The following HTRA3 variants were observed in gnomAD, a reference collection of about 807,000 sequenced individuals.
The protein encoded by HTRA3 is serine protease HTRA3.
A neutral mutation model predicts 43.2 loss-of-function variants in HTRA3; 41 were observed. The ratio of observed to expected loss-of-function variants is 0.95; its 90% CI spans 0.74 to 1.23. The LOEUF (loss-of-function observed/expected upper bound fraction) is 1.23, where lower values mean the gene tolerates loss of function less well. Ranked by LOEUF, HTRA3 falls within the 50% of genes most tolerant of loss-of-function variation. The pLI is 0.00. For missense variants in HTRA3, 628 were observed against 647.1 expected (o/e 0.97, Z 0.32); for synonymous variants, 295 against 287.9 (o/e 1.02, Z -0.25).
Position 8,270,932 on chromosome 4 carries a change from C to T in HTRA3, c.385+579C>T, listed in dbSNP as rs116566808. On this transcript the variant is annotated intron_variant, in intron 1 of 8. Transcript: ENST00000307358. ...AGGCAGTCGGCTCTAGGTTGCATCT[C>T]ACCGTGCAGGTTGACTCTGTACGTG... 5.4e-3 allele frequency among the ~76,000 whole-genome samples: 826 copies of T among 152,304 alleles called. 13 individuals are homozygous for T. The highest frequency in any genetic ancestry group is 0.019 in the African/African-American group (777 of 41,554).
At position 8,302,571 on chromosome 4, in the gene HTRA3, C is replaced by T. The variant is rs376527577; in HGVS notation, c.1100+60C>T. 1.1e-4 allele frequency: 168 copies of T among 1,537,254 alleles called. 3 individuals are homozygous for T. The African/African-American group carries it at 1.6e-3, about 14-fold the overall frequency. On this transcript the variant is annotated intron_variant, in intron 7 of 8. Coordinates refer to ENST00000307358, the MANE Select transcript of HTRA3 (RefSeq NM_053044.5). ...CTTCCTCTCATCCCTCACCCTGACC[C>T]TCCCTCCAGACCCTGGCTGGCTGTG...
At chr4:8,282,317 C>A in intron 1 of HTRA3, 120 bp from the exon 2 acceptor site, 1 of 768,804 alleles carries the variant, frequency 1.3e-6, no homozygotes, top group Non-Finnish European at 2.2e-6. Context: ...CTGAGGCTGG[C>A]TCTGAACTGG....
chr4:8,306,278 G>A lies in HTRA3; in HGVS notation c.*142G>A, dbSNP rs1713847617. The A allele has an allele frequency of 3.2e-6, 3 of 928,382 alleles. No homozygotes were observed. Among genetic ancestry groups the A allele is most frequent in the Admixed American group, 3.3e-5 (1 of 30,374 alleles). The allele number at this position is 928,382 out of a possible 1,614,324, so 57.5% of individuals were successfully genotyped here. On this transcript the variant is annotated 3_prime_UTR_variant, in exon 9 of 9. Transcript: ENST00000307358. This position sits in a 1 kb window ranked among gnomAD's most constrained non-coding sequence, Gnocchi z 8.9. ...GGCTGTCCGGGGCAGAGCGGAGGCT[G>A]GGCTTGGCCAGGGGCCCGAATTTCC...
At chr4:8,290,534 C>A (rs143268902) in intron 3 of HTRA3, among the ~76,000 whole-genome samples, 1 of 152,238 alleles carries the variant, frequency 6.6e-6, no homozygotes, top group African/African-American at 2.4e-5. Context: ...CTTCCCTCAA[C>A]GGTGACATCT....
At chr4:8,288,948 CT>C (rs1479980633) in intron 3 of HTRA3, among the ~76,000 whole-genome samples, 7 of 133,158 alleles carry the variant, frequency 5.3e-5, no homozygotes, top group African/African-American at 2.1e-4. Context: ...CTTCCTCCCC[CT>C]CTCTCTCTCT....
chr4:8,294,377 C>T (rs1713362864), intron 6 of HTRA3, among the ~76,000 whole-genome samples, 176 bp downstream of exon 6: 1 of 151,802 alleles, frequency 6.6e-6, no homozygotes, highest in Non-Finnish European at 1.5e-5. Flanking sequence ...GACAGCTTAT[C>T]CTCAGCCTCT....
intron 2 of HTRA3, among the ~76,000 whole-genome samples, chr4:8,284,062 A>G (rs1039010488): frequency 1.3e-5 from 2 of 152,006 alleles, no homozygotes; most frequent in Non-Finnish European, 2.9e-5. Flanking sequence ...CACATCCTCC[A>G]CACCTGCTGG....
chr4:8,272,801 G>A (rs1011461911), intron 1 of HTRA3, among the ~76,000 whole-genome samples: 3 of 152,214 alleles, frequency 2.0e-5, no homozygotes, highest in Non-Finnish European at 4.4e-5. Context: ...CAGAGCCCAC[G>A]GAGCCAGGTG....
rs3935003 is a variant in HTRA3, at chr4:8,270,094, C to T, written c.126C>T (p.Gly42=). The T allele has an allele frequency of 3.9e-6, 6 of 1,534,314 alleles. No homozygotes were observed. Among genetic ancestry groups the T allele is most frequent in the Non-Finnish European group, 4.3e-6 (5 of 1,152,286 alleles). The change falls in exon 1 of 9, where the codon GGC becomes GGT. Residue 42 remains glycine (G), a synonymous_variant. Transcript: ENST00000307358. Reference sequence around the variant, plus strand: ...GTCCCAGCCCCCGCTGCCCCGGCGGCTACGTGCCCGACCTCTGCAACTGCT... The same window carrying T: ...GTCCCAGCCCCCGCTGCCCCGGCGGTTACGTGCCCGACCTCTGCAACTGCT... ...SRCPSPRCPG[G]YVPDLCNCCL...
intron 2 of HTRA3, among the ~76,000 whole-genome samples, chr4:8,284,659 G>A (rs555412093): frequency 6.6e-6 from 1 of 152,338 alleles, no homozygotes; most frequent in South Asian, 2.1e-4. Context: ...CACACACGGA[G>A]TGGGTGTGGC....
intron 1 of HTRA3, among the ~76,000 whole-genome samples, chr4:8,276,272 T>TCTGTG (rs1176899971): frequency 5.3e-5 from 8 of 152,254 alleles, no homozygotes; most frequent in African/African-American, 1.9e-4. Flanking sequence ...AGTTTCTTCA[T>TCTGTG]CTGTGAAATG....
chr4:8,295,623 C>T lies in HTRA3; in HGVS notation c.1051+1422C>T. 8.3e-7 allele frequency: 1 copy of T among 1,200,426 alleles called. No individual in the cohort carries two copies. Among genetic ancestry groups the T allele is most frequent in the Non-Finnish European group, 1.1e-6 (1 of 924,122 alleles). The allele number at this position is 1,200,426 out of a possible 1,614,324, so 74.4% of individuals were successfully genotyped here. Reference sequence around the variant, plus strand: ...CCTCCTGCCATTGTGTCTCCTGTGCCCACCTCCTGGCCAACGCCCAGGCCT... The same window carrying T: ...CCTCCTGCCATTGTGTCTCCTGTGCTCACCTCCTGGCCAACGCCCAGGCCT... On this transcript the variant is annotated intron_variant, in intron 6 of 8. Coordinates refer to ENST00000307358, the MANE Select transcript of HTRA3 (RefSeq NM_053044.5). The surrounding 1 kb of genome is among the most constrained non-coding windows in gnomAD (Gnocchi z 6.9).
rs1305539795 is a variant in HTRA3, at chr4:8,286,787, G to T, written c.708+4G>T. The T allele has an allele frequency of 6.2e-7, 1 of 1,606,370 alleles. No individual in the cohort carries two copies. The highest frequency in any genetic ancestry group is 1.7e-5 in the Admixed American group (1 of 59,886). On this transcript the variant is annotated splice_donor_region_variant and intron_variant, in intron 3 of 8. Transcript: ENST00000307358. This position sits in a 1 kb window ranked among gnomAD's most constrained non-coding sequence, Gnocchi z 4.9. ...CACCATCAAGATCCATCCCAAGGTGGGTGGGCGTGGGTGGAGGGGCGGAAG... is the reference window on the plus strand; with the variant it reads ...CACCATCAAGATCCATCCCAAGGTGTGTGGGCGTGGGTGGAGGGGCGGAAG...
chr4:8,302,163 G>A (rs1713676897), intron 6 of HTRA3, among the ~76,000 whole-genome samples: 1 of 152,198 alleles, frequency 6.6e-6, no homozygotes, highest in Admixed American at 6.5e-5. Context: ...ACTGGGGTTG[G>A]GTTGGAGCTC....
At chr4:8,272,447 C>A (rs765324558) in intron 1 of HTRA3, among the ~76,000 whole-genome samples, 5 of 152,200 alleles carry the variant, frequency 3.3e-5, no homozygotes, top group Non-Finnish European at 5.9e-5. Flanking sequence ...GGTCTGCAGT[C>A]CCAGCGCACC....
intron 6 of HTRA3, among the ~76,000 whole-genome samples, chr4:8,301,398 T>G (rs577544491): frequency 6.6e-6 from 1 of 152,268 alleles, no homozygotes; most frequent in Non-Finnish European, 1.5e-5. Flanking sequence ...TCAGGTTTAT[T>G]ATTGATTCAC....
chr4:8,282,985 G>A lies in HTRA3; in HGVS notation c.485+449G>A, dbSNP rs570610891. Among the ~76,000 whole-genome samples the A allele has an allele frequency of 6.6e-5, 10 of 152,294 alleles. No individual in the cohort carries two copies. In the South Asian group the frequency reaches 2.1e-3, roughly 32 times the overall value. On this transcript the variant is annotated intron_variant, in intron 2 of 8. Coordinates refer to ENST00000307358, the MANE Select transcript of HTRA3 (RefSeq NM_053044.5). ...ACCGGGGGCTCGGGAGGCCTCACAA[G>A]CTAAGCCTGAAGTAGGCACCCCGGG... is the stretch of plus-strand genomic sequence containing the variant.
intron 6 of HTRA3, 37 bp downstream of exon 6, chr4:8,294,238 G>C (rs755274466): frequency 4.8e-6 from 7 of 1,462,642 alleles, no homozygotes; most frequent in Non-Finnish European, 5.7e-6. Flanking sequence ...GAGGCAGGGG[G>C]CACTCTCCCA....
intron 5 of HTRA3, among the ~76,000 whole-genome samples, chr4:8,293,611 C>A (rs1182764827): frequency 6.6e-6 from 1 of 152,004 alleles, no homozygotes; most frequent in East Asian, 1.9e-4. Context: ...TCATGGGGGG[C>A]AGGGCAGGTT....
Sources: allele counts gnomAD v4.1 joint callset (sites outside exome capture counted in the v4.1 genomes callset), GRCh38; gene constraint gnomAD v4.1.1; non-coding constraint Gnocchi (gnomAD v3.1); transcripts MANE v1.5; gene names NCBI Gene and HGNC (gene_info 2026-07-23, HGNC 2026-07-21).